The following PRKN variants were observed in gnomAD, a reference collection of about 807,000 sequenced individuals.
The protein encoded by PRKN is E3 ubiquitin-protein ligase parkin.
A neutral mutation model predicts 59.5 loss-of-function variants in PRKN; 56 were observed. That is an observed-to-expected ratio of 0.94 (90% CI 0.76 to 1.18). PRKN has a LOEUF of 1.18. Among genes scored for constraint, PRKN ranks in the 50% most tolerant of loss-of-function variants. The probability of loss-of-function intolerance (pLI) is 0.00; values close to 1 mark genes in which losing one functional copy is unlikely to be tolerated. For synonymous variants in PRKN, 250 were observed against 222.1 expected (o/e 1.13, Z -1.12); for missense variants, 657 against 596.4 (o/e 1.10, Z -1.06).
At chr6:162,722,327 G>A (rs1270867278) in intron 1 of PRKN, among the ~76,000 whole-genome samples, 3 of 152,158 alleles carry the variant, frequency 2.0e-5, no homozygotes, top group Non-Finnish European at 4.4e-5. Context: ...ATTACTGGGG[G>A]AAAAGAATCC....
chr6:162,176,507 C>T (rs915832511), intron 4 of PRKN, among the ~76,000 whole-genome samples: 1 of 152,134 alleles, frequency 6.6e-6, no homozygotes, highest in Non-Finnish European at 1.5e-5. Context: ...GGTAATGTCA[C>T]AGAAGGCCAT....
At chr6:161,723,984 C>T (rs191440470) in intron 7 of PRKN, among the ~76,000 whole-genome samples, 2 of 152,258 alleles carry the variant, frequency 1.3e-5, no homozygotes, top group African/African-American at 2.4e-5. Context: ...ACTGTGAGTG[C>T]GTGGAAGCAG....
At chr6:161,486,464 G>A (rs1349452446) in intron 9 of PRKN, among the ~76,000 whole-genome samples, 4 of 152,156 alleles carry the variant, frequency 2.6e-5, no homozygotes, top group Non-Finnish European at 4.4e-5. Context: ...GTTCTGACAA[G>A]CAGTGGTGTG....
chr6:162,169,816 A>T (rs1272903884), intron 4 of PRKN, among the ~76,000 whole-genome samples: 1 of 152,228 alleles, frequency 6.6e-6, no homozygotes, highest in Non-Finnish European at 1.5e-5. Flanking sequence ...TCTATTTTAC[A>T]TCAGGTAAAA....
rs1779859376 is a variant in PRKN, at chr6:161,548,099, A to G, written c.1083+755T>C. Among the ~76,000 whole-genome samples the G allele has an allele frequency of 1.3e-5, 2 of 152,258 alleles. No individual in the cohort carries two copies. Among genetic ancestry groups the G allele is most frequent in the Non-Finnish European group, 2.9e-5 (2 of 68,046 alleles). ...AAAGAAATGTTTCTCATCAAAATTCAATAGACTTTTATATGCACATACACT... is the reference window on the plus strand; with the variant it reads ...AAAGAAATGTTTCTCATCAAAATTCGATAGACTTTTATATGCACATACACT... On this transcript the variant is annotated intron_variant, in intron 9 of 11. Coordinates refer to ENST00000366898, the MANE Select transcript of PRKN (RefSeq NM_004562.3). This position sits in a 1 kb window ranked among gnomAD's most constrained non-coding sequence, Gnocchi z 4.2.
rs545504926 is a variant in PRKN at position 161,550,002 on chromosome 6, A to T, written c.934-999T>A. On this transcript the variant is annotated intron_variant, in intron 8 of 11. Transcript: ENST00000366898. This position sits in a 1 kb window ranked among gnomAD's most constrained non-coding sequence, Gnocchi z 4.0. Reference sequence around the variant, plus strand: ...AGAGTCCAAAGAAGGTGGAGATTTCAATTTTAAAGAGGTGATTACAGAATG... The same window carrying T: ...AGAGTCCAAAGAAGGTGGAGATTTCTATTTTAAAGAGGTGATTACAGAATG... 1.4e-3 allele frequency among the ~76,000 whole-genome samples: 218 copies of T among 152,334 alleles called. 1 individual carries two copies. Among genetic ancestry groups the T allele is most frequent in the African/African-American group, 4.8e-3 (198 of 41,580 alleles).
intron 2 of PRKN, among the ~76,000 whole-genome samples, chr6:162,354,257 A>C (rs1451991409): frequency 2.0e-5 from 3 of 152,136 alleles, no homozygotes. Context: ...CTCGGTATTT[A>C]AAATAGCAAG....
chr6:162,214,432 T>C (rs1042404020), intron 3 of PRKN, among the ~76,000 whole-genome samples: 5 of 152,168 alleles, frequency 3.3e-5, no homozygotes, highest in African/African-American at 1.2e-4. Context: ...TGGTTACCTG[T>C]GGCTCTGAGC....
intron 7 of PRKN, among the ~76,000 whole-genome samples, chr6:161,590,209 A>G (rs773282752): frequency 3.3e-5 from 5 of 152,188 alleles, no homozygotes; most frequent in Non-Finnish European, 7.3e-5. Flanking sequence ...CACTTTGACC[A>G]AGTAATCCAA....
intron 7 of PRKN, among the ~76,000 whole-genome samples, chr6:161,695,330 C>T (rs1785974578): frequency 2.0e-5 from 3 of 152,152 alleles, no homozygotes. Flanking sequence ...TAATGATGAA[C>T]AAATGACAGA....
At chr6:162,155,675 T>C (rs142800923) in intron 4 of PRKN, among the ~76,000 whole-genome samples, 1 of 152,250 alleles carries the variant, frequency 6.6e-6, no homozygotes, top group Non-Finnish European at 1.5e-5. Flanking sequence ...AAATGTTGAC[T>C]ATTAATCTCA....
intron 1 of PRKN, among the ~76,000 whole-genome samples, chr6:162,497,153 T>C (rs1006148788): frequency 2.0e-5 from 3 of 152,200 alleles, no homozygotes; most frequent in African/African-American, 4.8e-5. Context: ...ATCTCCTTTA[T>C]AGGGTGTGGC....
At chr6:161,852,879 C>T (rs902711975) in intron 6 of PRKN, among the ~76,000 whole-genome samples, 1 of 152,222 alleles carries the variant, frequency 6.6e-6, no homozygotes, top group Admixed American at 6.5e-5. Flanking sequence ...AGAGTGAGCA[C>T]CGCGTGGGCC....
rs76915045 is a variant in PRKN at position 161,974,794 on chromosome 6, T to A, written c.619-1377A>T. On this transcript the variant is annotated intron_variant, in intron 5 of 11. Coordinates refer to ENST00000366898, the MANE Select transcript of PRKN (RefSeq NM_004562.3). ...AAGGATTTTCCCTTAAAACACTTGA[T>A]CTGGTATTGACAAACTTTGATGTAA... Among the ~76,000 whole-genome samples, 608 of 152,326 alleles carry A rather than the reference T, an allele frequency of 4.0e-3. 5 individuals carry two copies. Among genetic ancestry groups the A allele is most frequent in the African/African-American group, 0.014 (590 of 41,574 alleles).
chr6:162,510,795 C>T (rs374477807), intron 1 of PRKN, among the ~76,000 whole-genome samples: 2 of 151,952 alleles, frequency 1.3e-5, no homozygotes, highest in South Asian at 2.1e-4. Flanking sequence ...TGGTGGTATG[C>T]GCCTGTAATT....
chr6:162,350,103 T>G (rs1284553561), intron 2 of PRKN, among the ~76,000 whole-genome samples: 1 of 151,898 alleles, frequency 6.6e-6, no homozygotes, highest in African/African-American at 2.4e-5. Context: ...ACCACATCAT[T>G]TAAAAAAATA....
At chr6:162,141,034 G>C (rs962015489) in intron 4 of PRKN, among the ~76,000 whole-genome samples, 1 of 152,160 alleles carries the variant, frequency 6.6e-6, no homozygotes, top group African/African-American at 2.4e-5. Flanking sequence ...GGAGGCTGAG[G>C]CAGGAGAATG....
chr6:161,657,111 C>T (rs1158592693), intron 7 of PRKN, among the ~76,000 whole-genome samples: 1 of 152,174 alleles, frequency 6.6e-6, no homozygotes, highest in African/African-American at 2.4e-5. Context: ...CACAACAGTT[C>T]TTTATTATCA....
intron 7 of PRKN, among the ~76,000 whole-genome samples, chr6:161,696,585 G>T (rs1461002308): frequency 6.6e-6 from 1 of 152,142 alleles, no homozygotes; most frequent in East Asian, 1.9e-4. Flanking sequence ...GCTAACGTTG[G>T]TCTTTCTATT....
Sources: allele counts gnomAD v4.1 joint callset (sites outside exome capture counted in the v4.1 genomes callset), GRCh38; gene constraint gnomAD v4.1.1; non-coding constraint Gnocchi (gnomAD v3.1); transcripts MANE v1.5; gene names NCBI Gene and HGNC (gene_info 2026-07-23, HGNC 2026-07-21).